The following COL4A3 variants were observed in gnomAD, a reference collection of about 807,000 sequenced individuals.
COL4A3 encodes collagen alpha-3(IV) chain.
A neutral mutation model predicts 217.4 loss-of-function variants in COL4A3; 135 were observed. The ratio of observed to expected loss-of-function variants is 0.62; its 90% CI spans 0.54 to 0.72. The LOEUF (loss-of-function observed/expected upper bound fraction) is 0.72. Ranked by LOEUF, COL4A3 falls within the 30% of genes least tolerant of loss-of-function variation. COL4A3 has a pLI of 0.00. For synonymous variants in COL4A3, 690 were observed against 736.3 expected (o/e 0.94, Z 1.02); for missense variants, 1,868 against 2,119.9 (o/e 0.88, Z 2.33).
chr2:227,187,270 C>T (rs1275769391), intron 1 of COL4A3, among the ~76,000 whole-genome samples: 2 of 152,120 alleles, frequency 1.3e-5, no homozygotes, highest in Non-Finnish European at 2.9e-5. Flanking sequence ...GGGTCTTCTG[C>T]AAACAGAAAA....
chr2:227,289,944 A>T, intron 35 of COL4A3, 55 bp from the exon 36 acceptor site: 1 of 1,546,552 alleles, frequency 6.5e-7, no homozygotes, highest in Non-Finnish European at 8.9e-7. Context: ...TATTTATTAA[A>T]CACATACTAT....
chr2:227,262,111 T>C (rs898673092), intron 20 of COL4A3, among the ~76,000 whole-genome samples: 1 of 152,118 alleles, frequency 6.6e-6, no homozygotes, highest in African/African-American at 2.4e-5. Flanking sequence ...ACTATAAGTA[T>C]ACTATAATTT....
chr2:227,225,060 C>T (rs554204706), intron 1 of COL4A3, among the ~76,000 whole-genome samples: 8 of 152,202 alleles, frequency 5.3e-5, no homozygotes, highest in African/African-American at 7.2e-5. Context: ...TACAGGCTTG[C>T]GCCACCATGC....
chr2:227,253,537 A>G lies in COL4A3; in HGVS notation c.688-24A>G. The G allele has an allele frequency of 1.9e-6, 3 of 1,593,350 alleles. No homozygotes were observed. The highest frequency in any genetic ancestry group is 2.6e-6 in the Non-Finnish European group (3 of 1,161,314). On this transcript the variant is annotated intron_variant, in intron 12 of 51. Transcript: ENST00000396578. The surrounding 1 kb of genome is among the most constrained non-coding windows in gnomAD (Gnocchi z 4.4). ...TGTTGATGCTGTTGTTTATTTTCTCACTCCTGAGTGTTTTTGTCTTTAGGG... is the reference window on the plus strand; with the variant it reads ...TGTTGATGCTGTTGTTTATTTTCTCGCTCCTGAGTGTTTTTGTCTTTAGGG...
chr2:227,181,964 T>C (rs2065880114), intron 1 of COL4A3, among the ~76,000 whole-genome samples: 1 of 152,024 alleles, frequency 6.6e-6, no homozygotes, highest in Non-Finnish European at 1.5e-5. Flanking sequence ...ATCTTGTAAA[T>C]ATAACTAGAA....
At chr2:227,205,324 A>G (rs2067059424) in intron 1 of COL4A3, among the ~76,000 whole-genome samples, 1 of 152,142 alleles carries the variant, frequency 6.6e-6, no homozygotes, top group Non-Finnish European at 1.5e-5. Flanking sequence ...TATATACGAT[A>G]TTCTATCAAA....
chr2:227,276,579 C>A (rs1446075175), intron 27 of COL4A3, 102 bp downstream of exon 27: 2 of 877,810 alleles, frequency 2.3e-6, no homozygotes, highest in African/African-American at 1.6e-5. Context: ...AAAATGTATT[C>A]ATTGGCTCCA....
chr2:227,257,675 A>T, intron 18 of COL4A3, 31 bp downstream of exon 18: 1 of 1,599,744 alleles, frequency 6.3e-7, no homozygotes, highest in African/African-American at 1.3e-5. Flanking sequence ...TATCAATGCT[A>T]TGTTTGATCA....
At position 227,245,974 on chromosome 2, in the gene COL4A3, G is replaced by A. The variant is rs1453528942; in HGVS notation, c.345G>A (p.Gly115=). The A allele has an allele frequency of 1.9e-6, 3 of 1,613,914 alleles. No individual in the cohort carries two copies. The highest frequency in any genetic ancestry group is 2.5e-6 in the Non-Finnish European group (3 of 1,179,850). ...TCCAGGGCACCCCAGGCAATACCGG[G>A]CCTTACGGACTTGTCGGTGTACCAG... ...PGLPGTPGNT[G]PYGLVGVPGC... is the part of the protein sequence containing the mutation. Residue 115 remains glycine, a synonymous_variant, in exon 6 of 52, where the codon GGG becomes GGA. Transcript: ENST00000396578.
intron 1 of COL4A3, among the ~76,000 whole-genome samples, chr2:227,233,306 C>T (rs377398697): frequency 6.6e-6 from 1 of 151,082 alleles, no homozygotes; most frequent in Non-Finnish European, 1.5e-5. Context: ...AGCCACCATG[C>T]CTGGCCCCTA....
At chr2:227,294,936 GT>G (rs771824840) in intron 39 of COL4A3, 27 bp from the exon 40 acceptor site, 188 of 1,463,676 alleles carry the variant, frequency 1.3e-4, no homozygotes, top group Non-Finnish European at 4.3e-5. Flanking sequence ...ATAGTTTGGG[GT>G]TTTTGGGTTT....
At position 227,253,149 on chromosome 2, in the gene COL4A3, T is replaced by C; in HGVS notation, c.646-147T>C. The C allele has an allele frequency of 1.4e-6, 1 of 709,490 alleles. No individual in the cohort carries two copies. Among genetic ancestry groups the C allele is most frequent in the Non-Finnish European group, 2.4e-6 (1 of 415,876 alleles). 43.9% of individuals were successfully genotyped at this position (709,490 alleles called of 1,614,324 possible). A position where few individuals can be genotyped will look rare whatever the true frequency, so the allele number is the denominator to read the frequency against. On this transcript the variant is annotated intron_variant, in intron 11 of 51. Coordinates refer to ENST00000396578, the MANE Select transcript of COL4A3 (RefSeq NM_000091.5). This position sits in a 1 kb window ranked among gnomAD's most constrained non-coding sequence, Gnocchi z 4.4. ...TTTAAAAGAAACATATCAATGCTCT[T>C]CTCTAAGAAATAGCTAAAATATGTA...
chr2:227,169,171 G>C (rs1166197744), intron 1 of COL4A3: 1 of 151,008 alleles, frequency 6.6e-6, no homozygotes, highest in African/African-American at 2.4e-5. Flanking sequence ...ATAGTTTACT[G>C]AGAATGATGA....
chr2:227,168,315 T>C (rs963480007), intron 1 of COL4A3, among the ~76,000 whole-genome samples: 1 of 152,238 alleles, frequency 6.6e-6, no homozygotes, highest in African/African-American at 2.4e-5. Flanking sequence ...AGTGCCTGTT[T>C]CCCTATGTCT....
At chr2:227,284,650 G>A (rs1228648340) in intron 34 of COL4A3, among the ~76,000 whole-genome samples, 1 of 152,054 alleles carries the variant, frequency 6.6e-6, no homozygotes, top group African/African-American at 2.4e-5. Context: ...TGCCAAGTAT[G>A]GGGAAAATTA....
rs2106301606 is a variant in COL4A3 at position 227,313,062 on chromosome 2, A to G, written c.*1192A>G. 6.5e-6 allele frequency: 1 copy of G among 152,722 alleles called. No homozygotes were observed. The highest frequency in any genetic ancestry group is 1.9e-4 in the East Asian group (1 of 5,184). 9.5% of individuals were successfully genotyped at this position (152,722 alleles called of 1,614,324 possible). On this transcript the variant is annotated 3_prime_UTR_variant, in exon 52 of 52. Coordinates refer to ENST00000396578, the MANE Select transcript of COL4A3 (RefSeq NM_000091.5). ...TGTATGTCTTAAAACCTGCTTTTCA[A>G]TGTGTTGATACATTCCCAAGGTTAC... is the stretch of plus-strand genomic sequence containing the variant.
chr2:227,184,234 G>A (rs945034146), intron 1 of COL4A3, among the ~76,000 whole-genome samples: 7 of 152,266 alleles, frequency 4.6e-5, no homozygotes, highest in Admixed American at 3.9e-4. Flanking sequence ...AGTGCACATG[G>A]GTGAACCCTG....
chr2:227,240,246 C>G lies in COL4A3; in HGVS notation c.234+14C>G. ...CAGGGACCCAAGGTATGTCATCCTGCAAGCTTGGAAAATCCCCAACCCACC... is the reference window on the plus strand; with the variant it reads ...CAGGGACCCAAGGTATGTCATCCTGGAAGCTTGGAAAATCCCCAACCCACC... On this transcript the variant is annotated intron_variant, in intron 3 of 51. Coordinates refer to ENST00000396578, the MANE Select transcript of COL4A3 (RefSeq NM_000091.5). 6.3e-7 allele frequency: 1 copy of G among 1,599,978 alleles called. No individual in the cohort carries two copies. Among genetic ancestry groups the G allele is most frequent in the Non-Finnish European group, 8.5e-7 (1 of 1,172,444 alleles).
chr2:227,207,747 G>T (rs1351919564), intron 1 of COL4A3, among the ~76,000 whole-genome samples: 1 of 152,212 alleles, frequency 6.6e-6, no homozygotes, highest in African/African-American at 2.4e-5. Context: ...GAGTTTCACA[G>T]CAGGCATACT....
Sources: gnomAD v4.1 joint callset for allele counts (sites outside exome capture counted in the v4.1 genomes callset) on GRCh38, gnomAD v4.1.1 for gene constraint, Gnocchi (gnomAD v3.1) non-coding constraint, MANE v1.5 for transcripts, NCBI Gene and HGNC (gene_info 2026-07-23, HGNC 2026-07-21) for gene names.